Variants in SMG5 observed in about 807,000 individuals in gnomAD.
SMG5 encodes the protein nonsense-mediated mRNA decay factor SMG5.
Under a neutral mutation model 122.9 loss-of-function variants are expected in SMG5, and 53 were observed. The observed-to-expected ratio is 0.43, with a 90% CI of 0.35 to 0.54. The LOEUF is 0.54. SMG5 is among the 20% of genes least tolerant of loss of function. The pLI is 0.01. For synonymous variants in SMG5, 477 were observed against 490.2 expected, an observed-to-expected ratio of 0.97 and a Z score of 0.35; for missense variants, 1,153 against 1,285.6, an observed-to-expected ratio of 0.90 and a Z score of 1.58.
In SMG5 at chr1:156,266,155, T is replaced by C. The variant is rs943145978; in HGVS notation, c.1481A>G (p.Asp494Gly). 6.2e-7 allele frequency: 1 copy of C among 1,614,230 alleles called. No individual in the cohort carries two copies. The highest frequency in any genetic ancestry group is 8.5e-7 in the Non-Finnish European group (1 of 1,180,040). The part of the protein sequence containing the change: ...HDSARASEGS[D>G]SGSDKSLEGG... ...TTCAAGACTCTTGTCAGAGCCACTG[T>C]CTGAGCCCTCACTGGCCCGGGCTGA... Residue 494 changes from aspartate (D) to glycine (G), a missense_variant, in exon 12 of 22, where the codon GAC (aspartate) becomes GGC (glycine). By Grantham distance (94) the Asp-to-Gly change is moderately conservative. Around this residue, in one of 5 missense-constraint regions of SMG5, gnomAD observed 631 missense variants for 650.6 expected, o/e 0.97. Coordinates refer to ENST00000361813, the MANE Select transcript of SMG5 (RefSeq NM_015327.3).
chr1:156,266,243 G>T lies in SMG5; in HGVS notation c.1393C>A (p.Pro465Thr). 1 of 1,614,228 alleles carries T rather than the reference G, an allele frequency of 6.2e-7. No homozygotes were observed. Residue 465 changes from proline (P) to threonine (T), a missense_variant, in exon 12 of 22, where the codon CCA becomes ACA. Pro to Thr is a conservative substitution (Grantham distance 38). Around this residue, in one of 5 missense-constraint regions of SMG5, gnomAD observed 631 missense variants for 650.6 expected, o/e 0.97. Transcript: ENST00000361813. ...TCACTGTCATCACCAACTTTGGGTG[G>T]GTGGCGGCGACGGCGGAGACAGGAG... Reference protein sequence around the residue: ...RLSCLRRRRHPPKVGDDSDLS... With the variant: ...RLSCLRRRRHTPKVGDDSDLS...
In SMG5 at chr1:156,266,568, C is replaced by A; in HGVS notation, c.1228G>T (p.Val410Phe). The stretch of plus-strand genomic sequence containing the variant: ...GTGCCATCACTCTGGAATGCCGGGA[C>A]GGGATTCTCGCCCTCTTCCAGCTCA... ...QAELEEGENP[V>F]PAFQSDGTDE... The change falls in exon 11 of 22, where the codon GTC (valine) becomes TTC (phenylalanine). Residue 410 changes from valine to phenylalanine, a missense_variant. Physicochemically the swap from Val to Phe is conservative, Grantham distance 50. Around this residue, in one of 5 missense-constraint regions of SMG5, gnomAD observed 631 missense variants for 650.6 expected, o/e 0.97. Coordinates refer to ENST00000361813, the MANE Select transcript of SMG5 (RefSeq NM_015327.3). The A allele has an allele frequency of 6.8e-6, 11 of 1,614,166 alleles. No homozygotes were observed. The highest frequency in any genetic ancestry group is 9.3e-6 in the Non-Finnish European group (11 of 1,180,038).
chr1:156,285,351 C>T (rs79735386), upstream of SMG5: 961 of 1,572,724 alleles, frequency 6.1e-4, 8 homozygotes, highest in East Asian at 0.019. Context: ...GCCGAATCCC[C>T]GGGAGCTGAG....
At chr1:156,285,999 G>C (rs756887670), upstream of SMG5, 1 of 1,586,870 alleles carries the variant, frequency 6.3e-7, no homozygotes, top group Admixed American at 1.7e-5. Context: ...CCTGTGAGAA[G>C]AAAGGGGGCA....
In SMG5 at chr1:156,249,735, G is replaced by T; in HGVS notation, c.*852C>A. The T allele has an allele frequency of 2.1e-6, 1 of 469,826 alleles. No individual in the cohort carries two copies. The highest frequency in any genetic ancestry group is 4.4e-6 in the Non-Finnish European group (1 of 227,004). 29.1% of individuals were successfully genotyped at this position (469,826 alleles called of 1,614,324 possible). A position where few individuals can be genotyped will look rare whatever the true frequency, so the allele number is the denominator to read the frequency against. On this transcript the variant is annotated 3_prime_UTR_variant, in exon 22 of 22. Transcript: ENST00000361813. ...CCCTTAGATAGGAAGGGGGGTGGTG[G>T]CCTCAGACTGCACCCCCTTTCTTCT...
At position 156,263,648 on chromosome 1, in the gene SMG5, G is replaced by A. The variant is rs997974045; in HGVS notation, c.1856-78C>T. On this transcript the variant is annotated intron_variant, in intron 12 of 21. Transcript: ENST00000361813. ...TGGGAACAGGCCTCAGCTCTGTGCA[G>A]GGAGCATGCTTCCACCTGGCCTGGG... 4.0e-6 allele frequency: 6 copies of A among 1,489,732 alleles called. No individual in the cohort carries two copies. In the African/African-American group the frequency reaches 8.4e-5, roughly 21 times the overall value. The allele number at this position is 1,489,732 out of a possible 1,614,324, so 92.3% of individuals were successfully genotyped here.
chr1:156,255,039 C>T (rs572848423), intron 16 of SMG5, among the ~76,000 whole-genome samples: 33 of 151,104 alleles, frequency 2.2e-4, no homozygotes, highest in South Asian at 8.4e-4. Flanking sequence ...TGCAGTGAGC[C>T]GAGATAGAGC....
At chr1:156,275,909 G>A (rs1558245142) in intron 4 of SMG5, among the ~76,000 whole-genome samples, 1 of 151,706 alleles carries the variant, frequency 6.6e-6, no homozygotes, top group East Asian at 1.9e-4. Context: ...CGAACTCCTG[G>A]GCTTCAGCGA....
the SMG5 span, chr1:156,291,231 GTTAA>G: frequency 6.3e-6 from 4 of 633,548 alleles, no homozygotes; most frequent in South Asian, 1.8e-5. Context: ...CCTAATACAT[GTTAA>G]GTGCATAAAC....
intron 16 of SMG5, among the ~76,000 whole-genome samples, chr1:156,256,362 T>A (rs1396106090): frequency 6.8e-6 from 1 of 147,744 alleles, no homozygotes; most frequent in Admixed American, 6.9e-5. Context: ...TCACCCAGGT[T>A]GGAGGGCAGC....
At chr1:156,265,242 TTGGAA>T (rs997084353) in intron 12 of SMG5, among the ~76,000 whole-genome samples, 1 of 141,492 alleles carries the variant, frequency 7.1e-6, no homozygotes, top group African/African-American at 2.6e-5. Context: ...AAAAAAAACT[TTGGAA>T]GTAAAAGACA....
chr1:156,267,394 A>G, intron 10 of SMG5, 76 bp downstream of exon 10: 1 of 1,446,768 alleles, frequency 6.9e-7, no homozygotes, highest in South Asian at 1.2e-5. Context: ...AAGTTTATGA[A>G]TAAGGAGCTG....
intron 16 of SMG5, among the ~76,000 whole-genome samples, chr1:156,254,841 G>A (rs190111864): frequency 5.7e-4 from 86 of 152,130 alleles, no homozygotes; most frequent in African/African-American, 2.1e-3. Context: ...TGTAATCCCA[G>A]CACTTTGGGA....
Position 156,261,398 on chromosome 1 carries a change from C to G in SMG5, c.2042G>C (p.Ser681Thr), listed in dbSNP as rs371743895. The change falls in exon 14 of 22, where the codon AGT becomes ACT. Residue 681 changes from serine (S) to threonine (T), a missense_variant. By Grantham distance (58) the Ser-to-Thr change is moderately conservative. This residue lies in a region of SMG5 where 631 missense variants were observed against 650.6 expected (regional missense o/e 0.97). Transcript: ENST00000361813. Reference sequence around the variant, plus strand: ...CAACACAGACAGGCGGTTCCACAGACTTTGAGAGCTCTGGGGAGAGAGAAG... The same window carrying G: ...CAACACAGACAGGCGGTTCCACAGAGTTTGAGAGCTCTGGGGAGAGAGAAG... ...LIIVCAQSSQ[S>T]LWNRLSVLLN... 1.7e-5 allele frequency: 28 copies of G among 1,613,982 alleles called. No individual in the cohort carries two copies. The highest frequency in any genetic ancestry group is 2.1e-5 in the Non-Finnish European group (25 of 1,179,998).
At position 156,282,628 on chromosome 1, in the gene SMG5, A is replaced by G. The variant is rs1400309767; in HGVS notation, c.53T>C (p.Leu18Pro). 1 of 1,608,632 alleles carries G rather than the reference A, an allele frequency of 6.2e-7. No homozygotes were observed. The highest frequency in any genetic ancestry group is 8.5e-7 in the Non-Finnish European group (1 of 1,179,586). ...TCACCGGTAAAGCCGCTTAGTGTGG[A>G]GGACTTTTGCTTCGGGCTCGCTGCT... Reference protein sequence around the residue: ...GESSEPEAKVLHTKRLYRAVV... With the variant: ...GESSEPEAKVPHTKRLYRAVV... The change falls in exon 1 of 22, where the codon CTC (leucine) becomes CCC (proline). Residue 18 changes from leucine (L) to proline (P), a missense_variant. Leu to Pro is a moderately conservative substitution (Grantham distance 98, BLOSUM62 -3). This residue lies in a region of SMG5 where 213 missense variants were observed against 197.5 expected (regional missense o/e 1.08). Coordinates refer to ENST00000361813, the MANE Select transcript of SMG5 (RefSeq NM_015327.3).
chr1:156,261,270 G>T, intron 14 of SMG5, 63 bp downstream of exon 14: 1 of 1,508,274 alleles, frequency 6.6e-7, no homozygotes, highest in Non-Finnish European at 9.2e-7. Context: ...GGGGAGGGGA[G>T]ATGGGCTTAG....
chr1:156,288,655 A>T, the SMG5 span, among the ~76,000 whole-genome samples: 1 of 152,084 alleles, frequency 6.6e-6, no homozygotes, highest in African/African-American at 2.4e-5. Context: ...GTTACTTTTG[A>T]TACAGGATTC....
chr1:156,285,725 C>T (rs1468006000), upstream of SMG5: 1 of 1,613,234 alleles, frequency 6.2e-7, no homozygotes, highest in East Asian at 2.2e-5. Flanking sequence ...GGTCACCCAC[C>T]CCGACCCCAC....
chr1:156,255,259 G>C (rs1661530519), intron 16 of SMG5, among the ~76,000 whole-genome samples: 1 of 151,344 alleles, frequency 6.6e-6, no homozygotes, highest in Admixed American at 6.6e-5. Context: ...CAAAAACTGG[G>C]GCCAGACACA....
Sources: allele counts gnomAD v4.1 joint callset (sites outside exome capture counted in the v4.1 genomes callset), GRCh38; gene constraint gnomAD v4.1.1; regional missense constraint gnomAD v4.1.1; transcripts MANE v1.5; gene names NCBI Gene and HGNC (gene_info 2026-07-23, HGNC 2026-07-21).